Variants in DLGAP2 observed in about 807,000 individuals in gnomAD.
DLGAP2 encodes DLG associated protein 2.
Under a neutral mutation model 100.3 loss-of-function variants are expected in DLGAP2, and 26 were observed. The ratio of observed to expected loss-of-function variants is 0.26; its 90% CI spans 0.19 to 0.36. DLGAP2 has a LOEUF of 0.36. DLGAP2 is among the 10% of genes least tolerant of loss of function. The probability of loss-of-function intolerance (pLI) is 1.00; values close to 1 mark genes in which losing one functional copy is unlikely to be tolerated. For synonymous variants in DLGAP2, 886 were observed against 630.1 expected (o/e 1.41, Z -6.08); for missense variants, 1,858 against 1,453.2 (o/e 1.28, Z -4.53).
intron 2 of DLGAP2, among the ~76,000 whole-genome samples, chr8:1,186,885 C>T (rs550184740): frequency 4.6e-5 from 7 of 152,244 alleles, no homozygotes; most frequent in African/African-American, 1.7e-4. Flanking sequence ...TCTGCCCTAC[C>T]GCATCCACCC....
At chr8:1,507,628 G>A (rs531256551) in intron 4 of DLGAP2, among the ~76,000 whole-genome samples, 4 of 152,288 alleles carry the variant, frequency 2.6e-5, no homozygotes, top group South Asian at 2.1e-4. Context: ...AGGAGGCGCC[G>A]GGAGTGAGTG....
At chr8:1,572,134 A>G (rs1271275053) in intron 6 of DLGAP2, among the ~76,000 whole-genome samples, 30 of 60,908 alleles carry the variant, frequency 4.9e-4, no homozygotes, top group Admixed American at 8.2e-4. Context: ...CTGGAGGGGC[A>G]TCTTCTGGGA....
chr8:1,264,767 G>T (rs1272529134), intron 3 of DLGAP2, among the ~76,000 whole-genome samples: 1 of 152,158 alleles, frequency 6.6e-6, no homozygotes, highest in Non-Finnish European at 1.5e-5. Flanking sequence ...TGGTTTTGCT[G>T]TGTCCCCACC....
intron 2 of DLGAP2, among the ~76,000 whole-genome samples, chr8:1,136,213 T>C (rs959998039): frequency 2.0e-5 from 3 of 151,910 alleles, no homozygotes; most frequent in Non-Finnish European, 2.9e-5. Context: ...TGGGTTCTGC[T>C]CCCTTAGGCA....
intron 2 of DLGAP2, among the ~76,000 whole-genome samples, chr8:1,256,571 T>TGCTGTGGGCGTGTGCTCTCCTGCCTGGGC (rs1240352708): frequency 7.2e-6 from 1 of 139,288 alleles, no homozygotes; most frequent in African/African-American, 3.2e-5. Context: ...CCTGCCCGGG[T>TGCTGTGGGCGTGTGCTCTCCTGCCTGGGC]GCTGTGCGTG....
chr8:782,757 G>C (rs943196168), intron 1 of DLGAP2, among the ~76,000 whole-genome samples: 1 of 152,110 alleles, frequency 6.6e-6, no homozygotes, highest in South Asian at 2.1e-4. Context: ...ATGAGGGTTT[G>C]TTGTCTGCCA....
At chr8:1,308,933 A>G (rs1479408193) in intron 3 of DLGAP2, among the ~76,000 whole-genome samples, 1 of 152,288 alleles carries the variant, frequency 6.6e-6, no homozygotes, top group South Asian at 2.1e-4. Context: ...TTTTTAAAGA[A>G]AACAGCAGAC....
rs1798766781 is a variant in DLGAP2, at chr8:1,470,823, CCTTTCCCGACCCCTCCAGG to C, written c.107-30524_107-30506del. 1.1e-3 allele frequency among the ~76,000 whole-genome samples: 32 copies of C among 28,564 alleles called. 4 individuals are homozygous for C. The highest frequency in any genetic ancestry group is 1.7e-3 in the Non-Finnish European group (19 of 11,108). The allele number at this position is 28,564 out of a possible 152,430, so 18.7% of individuals were successfully genotyped here. On this transcript the variant is annotated intron_variant, in intron 3 of 14. Coordinates refer to ENST00000637795, the MANE Select transcript of DLGAP2 (RefSeq NM_001346810.2). ...CTCCAGCCTTTCCCGACCCCTCCAGCCTTTCCCGACCCCTCCAGGCTTTCCCGACCCCTCCAGCCTTTCC... is the reference window on the plus strand; with the variant it reads ...CTCCAGCCTTTCCCGACCCCTCCAGCCTTTCCCGACCCCTCCAGCCTTTCC...
At chr8:1,566,435 A>T (rs1046698742) in intron 6 of DLGAP2, among the ~76,000 whole-genome samples, 2 of 152,106 alleles carry the variant, frequency 1.3e-5, no homozygotes, top group African/African-American at 4.8e-5. Flanking sequence ...GACAGATAAA[A>T]CTCTTTGGGA....
chr8:1,308,740 G>T (rs896746265), intron 3 of DLGAP2, among the ~76,000 whole-genome samples: 1 of 152,040 alleles, frequency 6.6e-6, no homozygotes, highest in African/African-American at 2.4e-5. Context: ...GGTCAGGCTG[G>T]TCTTGAACTC....
chr8:871,713 A>AC (rs200078268), intron 1 of DLGAP2, among the ~76,000 whole-genome samples: 1 of 151,928 alleles, frequency 6.6e-6, no homozygotes, highest in African/African-American at 2.4e-5. Context: ...GAAAAAAAAA[A>AC]CCAATTTGAA....
intron 3 of DLGAP2, among the ~76,000 whole-genome samples, chr8:1,343,706 G>A (rs898980522): frequency 7.8e-6 from 1 of 128,220 alleles, no homozygotes; most frequent in African/African-American, 2.6e-5. Flanking sequence ...CATCTGGGGG[G>A]TCGTGGGGGG....
chr8:1,349,063 C>T (rs958847633), intron 3 of DLGAP2, among the ~76,000 whole-genome samples: 2 of 151,692 alleles, frequency 1.3e-5, no homozygotes, highest in Non-Finnish European at 2.9e-5. Flanking sequence ...CCACTTGCTC[C>T]TGCCAAGTCA....
At chr8:1,670,619 G>T (rs770219273) in intron 10 of DLGAP2, among the ~76,000 whole-genome samples, 17 of 152,206 alleles carry the variant, frequency 1.1e-4, no homozygotes, top group African/African-American at 3.6e-4. Context: ...CGCTGGGTGC[G>T]TGCTGGGTGA....
rs1563224278 is a variant in DLGAP2 at position 1,164,214 on chromosome 8, GTCA to G, written c.74-94635_74-94633del. Among the ~76,000 whole-genome samples the G allele has an allele frequency of 3.5e-3, 305 of 87,164 alleles. 3 individuals carry two copies. Among genetic ancestry groups the G allele is most frequent in the African/African-American group, 9.0e-3 (190 of 21,144 alleles). 57.2% of individuals were successfully genotyped at this position (87,164 alleles called of 152,430 possible). The stretch of plus-strand genomic sequence containing the variant: ...ATTTTTCTGTGAGCCCCCAGGGCCC[GTCA>G]TTTTGGTTTGTGGGGACAGATTTTT... On this transcript the variant is annotated intron_variant, in intron 2 of 14. Transcript: ENST00000637795.
chr8:1,634,025 T>C (rs1258006222), intron 8 of DLGAP2, among the ~76,000 whole-genome samples: 1 of 152,206 alleles, frequency 6.6e-6, no homozygotes, highest in East Asian at 1.9e-4. Context: ...TTTGCAGAAT[T>C]AGAAATTGCA....
chr8:1,559,712 G>A (rs1383587014), intron 5 of DLGAP2, among the ~76,000 whole-genome samples: 1 of 152,236 alleles, frequency 6.6e-6, no homozygotes, highest in African/African-American at 2.4e-5. Flanking sequence ...TTTGATGGCA[G>A]AGGAGCTGCT....
intron 2 of DLGAP2, among the ~76,000 whole-genome samples, chr8:941,286 G>T (rs1482788452): frequency 8.5e-5 from 13 of 152,106 alleles, no homozygotes; most frequent in Admixed American, 8.5e-4. Flanking sequence ...TAGGATCTGT[G>T]TATCTAGGAT....
chr8:1,233,299 A>G (rs1798575553), intron 2 of DLGAP2, among the ~76,000 whole-genome samples: 2 of 152,178 alleles, frequency 1.3e-5, no homozygotes, highest in African/African-American at 2.4e-5. Flanking sequence ...CTTTCACTGA[A>G]TATTTGCCAC....
Sources: allele counts gnomAD v4.1 joint callset (sites outside exome capture counted in the v4.1 genomes callset), GRCh38; gene constraint gnomAD v4.1.1; transcripts MANE v1.5; gene names NCBI Gene and HGNC (gene_info 2026-07-23, HGNC 2026-07-21).